EXOC6B: variants seen among roughly 807,000 people sequenced by gnomAD.
EXOC6B encodes the protein SEC15 homolog B.
A neutral mutation model predicts 113.5 loss-of-function variants in EXOC6B; 54 were observed. That is an observed-to-expected ratio of 0.48 (90% confidence interval 0.38 to 0.60). EXOC6B has a LOEUF of 0.60. Among genes scored for constraint, EXOC6B ranks in the 20% least tolerant of loss-of-function variants. The probability of loss-of-function intolerance (pLI) is 0.00; values close to 1 mark genes in which losing one functional copy is unlikely to be tolerated. For missense variants in EXOC6B, 797 were observed against 977.5 expected (o/e 0.82, Z 2.46); for synonymous variants, 357 against 339.0 (o/e 1.05, Z -0.58).
intron 8 of EXOC6B, among the ~76,000 whole-genome samples, chr2:72,531,338 C>G (rs543778198): frequency 6.6e-6 from 1 of 152,218 alleles, no homozygotes; most frequent in South Asian, 2.1e-4. Flanking sequence ...GAGTAGAAAC[C>G]TTACTTCCCT....
intron 2 of EXOC6B, among the ~76,000 whole-genome samples, chr2:72,735,358 C>G (rs1573712531): frequency 1.3e-5 from 2 of 152,140 alleles, no homozygotes; most frequent in East Asian, 3.8e-4. Flanking sequence ...CAATGTTTAT[C>G]CTTAGTACAT....
chr2:72,457,136 G>A (rs895097659), intron 18 of EXOC6B, among the ~76,000 whole-genome samples: 3 of 151,940 alleles, frequency 2.0e-5, no homozygotes, highest in Admixed American at 6.6e-5. Flanking sequence ...AAGACAGAAA[G>A]GTAGTTTAAG....
chr2:72,603,804 G>C (rs1166714420), intron 6 of EXOC6B, among the ~76,000 whole-genome samples: 3 of 152,018 alleles, frequency 2.0e-5, no homozygotes, highest in Non-Finnish European at 4.4e-5. Flanking sequence ...AGCCATGAAG[G>C]GCACTTTATA....
At chr2:72,714,013 G>A (rs1679442081) in intron 6 of EXOC6B, among the ~76,000 whole-genome samples, 1 of 152,108 alleles carries the variant, frequency 6.6e-6, no homozygotes, top group African/African-American at 2.4e-5. Context: ...AAAACCTCCA[G>A]GCATTACTTA....
intron 20 of EXOC6B, among the ~76,000 whole-genome samples, chr2:72,334,399 C>G (rs539371872): frequency 6.6e-6 from 1 of 152,178 alleles, no homozygotes; most frequent in African/African-American, 2.4e-5. Flanking sequence ...CAGGCCTTTT[C>G]TAATCATCTT....
intron 20 of EXOC6B, among the ~76,000 whole-genome samples, chr2:72,299,207 T>C (rs1368979929): frequency 8.6e-5 from 13 of 151,940 alleles, no homozygotes; most frequent in Non-Finnish European, 1.9e-4. Context: ...TTCTCTAATC[T>C]TCTCTTCTCA....
intron 20 of EXOC6B, among the ~76,000 whole-genome samples, chr2:72,185,827 T>C (rs960453341): frequency 2.6e-5 from 4 of 152,012 alleles, no homozygotes; most frequent in Non-Finnish European, 4.4e-5. Flanking sequence ...TGTGCCATGT[T>C]GGTGTGCTGC....
intron 19 of EXOC6B, among the ~76,000 whole-genome samples, chr2:72,345,705 T>C (rs1689288177): frequency 6.6e-6 from 1 of 152,098 alleles, no homozygotes; most frequent in South Asian, 2.1e-4. Context: ...GCAAAACAGA[T>C]GATTTTTTAG....
intron 6 of EXOC6B, among the ~76,000 whole-genome samples, chr2:72,628,725 AC>A (rs1366484634): frequency 1.3e-5 from 2 of 152,016 alleles, no homozygotes; most frequent in Non-Finnish European, 2.9e-5. Context: ...CCTCACCAGA[AC>A]CCAACCATGC....
At chr2:72,419,760 T>C (rs1694757162) in intron 18 of EXOC6B, among the ~76,000 whole-genome samples, 1 of 152,230 alleles carries the variant, frequency 6.6e-6, no homozygotes, top group Admixed American at 6.5e-5. Flanking sequence ...TTATTTTTAA[T>C]GTGTCTTTAG....
At chr2:72,777,832 A>G (rs1015765230) in intron 1 of EXOC6B, among the ~76,000 whole-genome samples, 3 of 152,144 alleles carry the variant, frequency 2.0e-5, no homozygotes, top group African/African-American at 7.2e-5. Flanking sequence ...ATATAGTAAC[A>G]AAGATTTTGT....
At chr2:72,184,236 C>G in intron 20 of EXOC6B, 49 bp from the exon 21 acceptor site, 2 of 972,304 alleles carry the variant, frequency 2.1e-6, no homozygotes, top group Non-Finnish European at 3.2e-6. Flanking sequence ...ACAGACAAGA[C>G]AAACCAAGAT....
intron 19 of EXOC6B, 80 bp from the exon 20 acceptor site, chr2:72,335,100 CAA>C: frequency 1.5e-6 from 2 of 1,298,888 alleles, no homozygotes; most frequent in Non-Finnish European, 2.2e-6. Flanking sequence ...ACAGGGAAGA[CAA>C]GAGAAGCTGG....
At chr2:72,723,741 T>TAA (rs538661620) in intron 5 of EXOC6B, among the ~76,000 whole-genome samples, 8 of 108,400 alleles carry the variant, frequency 7.4e-5, no homozygotes, top group East Asian at 2.6e-4. Flanking sequence ...ATTTATAGCT[T>TAA]AAAAAAAAAA....
chr2:72,394,951 C>A (rs936467953), intron 18 of EXOC6B, among the ~76,000 whole-genome samples: 3 of 151,928 alleles, frequency 2.0e-5, no homozygotes, highest in African/African-American at 7.3e-5. Flanking sequence ...GATGCCAGAT[C>A]CCCAATCCAA....
At chr2:72,512,213 T>A (rs2105663214) in intron 11 of EXOC6B, among the ~76,000 whole-genome samples, 1 of 152,148 alleles carries the variant, frequency 6.6e-6, no homozygotes, top group South Asian at 2.1e-4. Context: ...GTTTATTGGA[T>A]ATCTCTTCCA....
chr2:72,313,984 G>GAACC (rs1398241447), intron 20 of EXOC6B, among the ~76,000 whole-genome samples: 1 of 152,076 alleles, frequency 6.6e-6, no homozygotes, highest in Non-Finnish European at 1.5e-5. Context: ...AGGACACTGA[G>GAACC]AACCACATTG....
chr2:72,609,908 T>C (rs556458401), intron 6 of EXOC6B, among the ~76,000 whole-genome samples: 1 of 152,098 alleles, frequency 6.6e-6, no homozygotes, highest in South Asian at 2.1e-4. Context: ...GAAAAAACAA[T>C]TTGAATACAA....
chr2:72,348,138 A>G (rs991229348), intron 19 of EXOC6B, among the ~76,000 whole-genome samples: 1 of 152,132 alleles, frequency 6.6e-6, no homozygotes, highest in Non-Finnish European at 1.5e-5. Flanking sequence ...TGGTTTATAG[A>G]TAACACCTGC....
Sources: allele counts gnomAD v4.1 joint callset (sites outside exome capture counted in the v4.1 genomes callset), GRCh38; gene constraint gnomAD v4.1.1; transcripts MANE v1.5; gene names NCBI Gene and HGNC (gene_info 2026-07-23, HGNC 2026-07-21).